IRS1: variants seen among roughly 807,000 people sequenced by gnomAD.
The protein encoded by IRS1 is insulin receptor substrate 1.
A neutral mutation model predicts 65.6 loss-of-function variants in IRS1; 34 were observed. The ratio of observed to expected loss-of-function variants is 0.52; its 90% CI spans 0.39 to 0.69. IRS1 has a LOEUF of 0.69. Ranked by LOEUF, IRS1 falls within the 30% of genes least tolerant of loss-of-function variation. The probability of loss-of-function intolerance (pLI) is 0.00; values close to 1 mark genes in which losing one functional copy is unlikely to be tolerated. For missense variants in IRS1, 1,641 were observed against 1,720.2 expected (o/e 0.95, Z 0.81); for synonymous variants, 699 against 683.5 (o/e 1.02, Z -0.35).
chr2:226,776,373 T>C (rs1270707284), intron 1 of IRS1, among the ~76,000 whole-genome samples: 1 of 139,170 alleles, frequency 7.2e-6, no homozygotes, highest in African/African-American at 2.7e-5. Context: ...GTGGTTCGGG[T>C]GGGGGTGGGT....
In IRS1 at chr2:226,797,071, A is replaced by T; in HGVS notation, c.1668T>A (p.Pro556=). ...ASIEEYTEMM[P]AYPPGGGSGG... ...CACTGCCACCTCCTGGTGGGTAGGC[A>T]GGCATCATCTCTGTGTACTCCTCAA... The change falls in exon 1 of 2, where the codon CCT becomes CCA. Residue 556 remains proline, a synonymous_variant. Transcript: ENST00000305123. The surrounding 1 kb of genome is among the most constrained non-coding windows in gnomAD (Gnocchi z 8.1). 3.7e-6 allele frequency: 6 copies of T among 1,612,386 alleles called. No homozygotes were observed. Among genetic ancestry groups the T allele is most frequent in the Non-Finnish European group, 5.1e-6 (6 of 1,179,154 alleles).
At chr2:226,758,466 C>T (rs1014736888) in intron 1 of IRS1, among the ~76,000 whole-genome samples, 1 of 152,114 alleles carries the variant, frequency 6.6e-6, no homozygotes. Flanking sequence ...AGCCTAAATA[C>T]TTTCCCAATA....
intron 1 of IRS1, among the ~76,000 whole-genome samples, chr2:226,744,764 G>A (rs143517170): frequency 5.3e-5 from 8 of 152,204 alleles, no homozygotes; most frequent in Non-Finnish European, 1.0e-4. Flanking sequence ...CATGAAACCT[G>A]TCACTGGTGC....
intron 1 of IRS1, among the ~76,000 whole-genome samples, chr2:226,770,205 T>G (rs1466933157): frequency 6.6e-6 from 1 of 152,246 alleles, no homozygotes; most frequent in African/African-American, 2.4e-5. Context: ...TTTAAAGCCT[T>G]TAATTATTCT....
Position 226,799,654 on chromosome 2 carries a change from C to A in IRS1, c.-916G>T. ...GGCGCTGCCGCTGCAGTTACTTCTC[C>A]CCTCCTCCCTCCTCCTCCTCCTCCT... is the stretch of plus-strand genomic sequence containing the variant. On this transcript the variant is annotated 5_prime_UTR_variant, in exon 1 of 2. Transcript: ENST00000305123. The surrounding 1 kb of genome is among the most constrained non-coding windows in gnomAD (Gnocchi z 6.1). The A allele has an allele frequency of 1.0e-6, 1 of 1,002,108 alleles. No homozygotes were observed. Among genetic ancestry groups the A allele is most frequent in the African/African-American group, 1.7e-5 (1 of 57,310 alleles). 62.1% of individuals were successfully genotyped at this position (1,002,108 alleles called of 1,614,324 possible).
At chr2:226,766,144 TATATATATATATA>T (rs1222391515) in intron 1 of IRS1, among the ~76,000 whole-genome samples, 2 of 4,844 alleles carry the variant, frequency 4.1e-4, no homozygotes, top group South Asian at 5.6e-3. Flanking sequence ...TATATATATA[TATATATATATATA>T]TATATATTTT....
At chr2:226,736,949 T>G (rs894887583) in intron 1 of IRS1, among the ~76,000 whole-genome samples, 3 of 152,154 alleles carry the variant, frequency 2.0e-5, no homozygotes, top group African/African-American at 7.2e-5. Flanking sequence ...TTTTACTTTT[T>G]TTATTATTAT....
chr2:226,794,666 TCAAC>T lies in IRS1; in HGVS notation c.*21+319_*21+322del, dbSNP rs1939672584. Reference sequence around the variant, plus strand: ...CTAAATATATAGTGAAAAGAAAACTTCAACAAACAAATCAAGCTTCTTACGGAGG... The same window carrying T: ...CTAAATATATAGTGAAAAGAAAACTTAAACAAATCAAGCTTCTTACGGAGG... On this transcript the variant is annotated intron_variant, in intron 1 of 1. Transcript: ENST00000305123. This position sits in a 1 kb window ranked among gnomAD's most constrained non-coding sequence, Gnocchi z 4.1. Among the ~76,000 whole-genome samples the T allele has an allele frequency of 6.6e-6, 1 of 152,168 alleles. No individual in the cohort carries two copies. The highest frequency in any genetic ancestry group is 1.5e-5 in the Non-Finnish European group (1 of 68,024).
At chr2:226,737,316 C>T (rs1320049858) in intron 1 of IRS1, among the ~76,000 whole-genome samples, 5 of 151,876 alleles carry the variant, frequency 3.3e-5, no homozygotes, top group African/African-American at 1.2e-4. Flanking sequence ...TGTATATGTG[C>T]CACATTTTCT....
intron 1 of IRS1, among the ~76,000 whole-genome samples, chr2:226,768,711 G>A (rs577451778): frequency 2.0e-5 from 3 of 152,036 alleles, no homozygotes; most frequent in East Asian, 1.9e-4. Flanking sequence ...ATCTCGGCTC[G>A]CTGCAACCCC....
intron 1 of IRS1, among the ~76,000 whole-genome samples, chr2:226,752,032 A>C (rs16822601): frequency 0.089 from 13,599 of 152,218 alleles, 1,147 homozygotes; most frequent in African/African-American, 0.22. Flanking sequence ...GTCTATAACA[A>C]CTTCAACTTT....
At chr2:226,792,657 A>G (rs112165727) in intron 1 of IRS1, among the ~76,000 whole-genome samples, 314 of 152,352 alleles carry the variant, frequency 2.1e-3, no homozygotes, top group African/African-American at 7.0e-3. Context: ...AACAGAGCCC[A>G]CGCCTCATCA....
intron 1 of IRS1, among the ~76,000 whole-genome samples, chr2:226,772,216 A>G (rs1939179672): frequency 6.6e-6 from 1 of 152,190 alleles, no homozygotes; most frequent in South Asian, 2.1e-4. Flanking sequence ...GGTGGGATAT[A>G]ACTCAAACCA....
chr2:226,741,786 AACACACACACACACACACACACACACAC>A (rs145806509), intron 1 of IRS1, among the ~76,000 whole-genome samples: 2 of 138,460 alleles, frequency 1.4e-5, no homozygotes, highest in South Asian at 2.4e-4. Context: ...GAGCCCAGTA[AACACACACACACACACACACACACACAC>A]ACACACACAC....
At chr2:226,778,739 G>T (rs1015727915) in intron 1 of IRS1, among the ~76,000 whole-genome samples, 1 of 152,178 alleles carries the variant, frequency 6.6e-6, no homozygotes, top group African/African-American at 2.4e-5. Context: ...CACACTTGTG[G>T]CCAGCCCCAG....
rs1483045710 is a variant in IRS1 at position 226,786,803 on chromosome 2, C to A, written c.*21+8186G>T. Among the ~76,000 whole-genome samples the A allele has an allele frequency of 1.5e-4, 20 of 137,530 alleles. No individual in the cohort carries two copies. The East Asian group carries it at 3.6e-3, about 24-fold the overall frequency. 90.2% of individuals were successfully genotyped at this position (137,530 alleles called of 152,430 possible). On this transcript the variant is annotated intron_variant, in intron 1 of 1. Transcript: ENST00000305123. ...GGTAGTCTAAAAAAAAAAAAAAAAACTTTTAAAACATGTTTCTGTAAGAGA... is the reference window on the plus strand; with the variant it reads ...GGTAGTCTAAAAAAAAAAAAAAAAAATTTTAAAACATGTTTCTGTAAGAGA...
At chr2:226,750,296 T>C (rs1348718691) in intron 1 of IRS1, among the ~76,000 whole-genome samples, 1 of 151,148 alleles carries the variant, frequency 6.6e-6, no homozygotes, top group Non-Finnish European at 1.5e-5. Context: ...TTGTCTGAGT[T>C]CATGCAACTG....
In IRS1 at chr2:226,794,190, T is replaced by C. The variant is rs1939663039; in HGVS notation, c.*21+799A>G. Reference sequence around the variant, plus strand: ...AGAGATAACTATAAGGCAGACATCCTAGGATGAACTCCCATAACTCTTAAT... The same window carrying C: ...AGAGATAACTATAAGGCAGACATCCCAGGATGAACTCCCATAACTCTTAAT... On this transcript the variant is annotated intron_variant, in intron 1 of 1. Coordinates refer to ENST00000305123, the MANE Select transcript of IRS1 (RefSeq NM_005544.3). The surrounding 1 kb of genome is among the most constrained non-coding windows in gnomAD (Gnocchi z 4.1). Among the ~76,000 whole-genome samples, 1 of 152,138 alleles carries C rather than the reference T, an allele frequency of 6.6e-6. No homozygotes were observed. Among genetic ancestry groups the C allele is most frequent in the Non-Finnish European group, 1.5e-5 (1 of 67,992 alleles).
intron 1 of IRS1, among the ~76,000 whole-genome samples, chr2:226,771,873 T>C (rs1162101830): frequency 1.3e-5 from 2 of 152,162 alleles, no homozygotes; most frequent in Non-Finnish European, 2.9e-5. Flanking sequence ...CTAGCTCCTT[T>C]TAAAGTTTAA....
Sources: gnomAD v4.1 joint callset for allele counts (sites outside exome capture counted in the v4.1 genomes callset) on GRCh38, gnomAD v4.1.1 for gene constraint, Gnocchi (gnomAD v3.1) non-coding constraint, MANE v1.5 for transcripts, NCBI Gene and HGNC (gene_info 2026-07-23, HGNC 2026-07-21) for gene names.